RBFOX3: variants seen among roughly 807,000 people sequenced by gnomAD.
RBFOX3 encodes RNA binding fox-1 homolog 3, also known as RNA binding protein fox-1 homolog 3.
Under a neutral mutation model 48.7 loss-of-function variants are expected in RBFOX3, and 17 were observed. That is an observed-to-expected ratio of 0.35 (90% CI 0.24 to 0.52). RBFOX3 has a LOEUF of 0.52. RBFOX3 is among the 20% of genes least tolerant of loss of function. RBFOX3 has a pLI of 0.94. For synonymous variants in RBFOX3, 212 were observed against 209.5 expected (o/e 1.01, Z -0.10); for missense variants, 382 against 497.5 (o/e 0.77, Z 2.21).
At chr17:79,571,829 G>C (rs2092687698) in intron 1 of RBFOX3, among the ~76,000 whole-genome samples, 1 of 152,102 alleles carries the variant, frequency 6.6e-6, no homozygotes, top group Non-Finnish European at 1.5e-5. Context: ...GAGGGAATGA[G>C]GTAGGCAACA....
At chr17:79,298,667 A>G (rs2074798360) in intron 3 of RBFOX3, among the ~76,000 whole-genome samples, 1 of 152,150 alleles carries the variant, frequency 6.6e-6, no homozygotes, top group Admixed American at 6.5e-5. Context: ...GATGTGTCAG[A>G]AGGTGCCCCC....
At chr17:79,649,333 A>G in the RBFOX3 span, among the ~76,000 whole-genome samples, 3 of 152,230 alleles carry the variant, frequency 2.0e-5, no homozygotes, top group East Asian at 5.8e-4. Context: ...CTTGTTTGTT[A>G]GCACAGAAGA....
At chr17:79,507,812 G>A (rs2083394032) in intron 1 of RBFOX3, among the ~76,000 whole-genome samples, 1 of 152,156 alleles carries the variant, frequency 6.6e-6, no homozygotes, top group Admixed American at 6.5e-5. Flanking sequence ...ACCAAGGCAC[G>A]CACCAATGAG....
At chr17:79,344,077 G>A (rs976794194) in intron 2 of RBFOX3, among the ~76,000 whole-genome samples, 1 of 152,118 alleles carries the variant, frequency 6.6e-6, no homozygotes. Flanking sequence ...CTCCAAGAGG[G>A]GTTAGTGTGG....
chr17:79,469,576 G>A (rs2076802541), intron 2 of RBFOX3, among the ~76,000 whole-genome samples: 1 of 152,128 alleles, frequency 6.6e-6, no homozygotes, highest in Non-Finnish European at 1.5e-5. Context: ...TATGGCACAT[G>A]CCCCACCCCA....
At chr17:79,370,319 G>C (rs1417632449) in intron 2 of RBFOX3, among the ~76,000 whole-genome samples, 1 of 152,192 alleles carries the variant, frequency 6.6e-6, no homozygotes, top group Non-Finnish European at 1.5e-5. Flanking sequence ...GCCCCACCCA[G>C]TGCCTGAGCC....
chr17:79,491,981 CAGG>C (rs1324188595), intron 1 of RBFOX3, among the ~76,000 whole-genome samples: 2 of 152,144 alleles, frequency 1.3e-5, no homozygotes, highest in African/African-American at 2.4e-5. Flanking sequence ...ACTCGAGAGG[CAGG>C]AGAATTGCAT....
At chr17:79,410,797 C>T (rs993950928) in intron 2 of RBFOX3, among the ~76,000 whole-genome samples, 3 of 152,194 alleles carry the variant, frequency 2.0e-5, no homozygotes, top group Non-Finnish European at 2.9e-5. Context: ...TCTGCAATCC[C>T]TCCTGCCTCA....
At chr17:79,645,958 C>T in the RBFOX3 span, among the ~76,000 whole-genome samples, 1 of 152,296 alleles carries the variant, frequency 6.6e-6, no homozygotes, top group South Asian at 2.1e-4. Flanking sequence ...CCTGCACCTC[C>T]CGCAAAAACT....
chr17:79,309,029 C>A (rs1294705594), intron 2 of RBFOX3, among the ~76,000 whole-genome samples: 1 of 151,610 alleles, frequency 6.6e-6, no homozygotes, highest in Non-Finnish European at 1.5e-5. Context: ...ATTGCTTGAA[C>A]CTGGGAGGCA....
intron 2 of RBFOX3, among the ~76,000 whole-genome samples, chr17:79,428,997 C>T (rs1184194906): frequency 1.3e-5 from 2 of 152,222 alleles, no homozygotes; most frequent in Non-Finnish European, 2.9e-5. Flanking sequence ...CTCACCGACT[C>T]TTCCCCTGCC....
intron 2 of RBFOX3, among the ~76,000 whole-genome samples, chr17:79,377,909 G>C (rs553544249): frequency 7.9e-4 from 120 of 152,290 alleles, no homozygotes; most frequent in Non-Finnish European, 1.1e-3. Flanking sequence ...GCATATCTCC[G>C]TCAGGCCCAG....
In RBFOX3 at chr17:79,477,283, G is replaced by T. The variant is rs1417124381; in HGVS notation, c.-175+5171C>A. Among the ~76,000 whole-genome samples the T allele has an allele frequency of 6.9e-6, 1 of 144,368 alleles. No homozygotes were observed. The highest frequency in any genetic ancestry group is 6.9e-5 in the Admixed American group (1 of 14,410). The allele number at this position is 144,368 out of a possible 152,430, so 94.7% of individuals were successfully genotyped here. ...AAAAAAAAAAAAAAAAAAAGAGGGC[G>T]CGGTGGCTCACACCTGTAATCCCAG... On this transcript the variant is annotated intron_variant, in intron 2 of 14. Coordinates refer to ENST00000693108, the MANE Select transcript of RBFOX3 (RefSeq NM_001350451.2). This position sits in a 1 kb window ranked among gnomAD's most constrained non-coding sequence, Gnocchi z 4.8.
At chr17:79,386,985 G>A (rs913651167) in intron 2 of RBFOX3, among the ~76,000 whole-genome samples, 2 of 152,216 alleles carry the variant, frequency 1.3e-5, no homozygotes, top group Non-Finnish European at 2.9e-5. Context: ...CAGAAACTCT[G>A]CTCTTGCAGA....
intron 2 of RBFOX3, among the ~76,000 whole-genome samples, chr17:79,343,671 C>T (rs2082435403): frequency 6.6e-6 from 1 of 152,202 alleles, no homozygotes; most frequent in Admixed American, 6.5e-5. Flanking sequence ...GATGGCTGCA[C>T]ACTGACCCCT....
intron 1 of RBFOX3, among the ~76,000 whole-genome samples, chr17:79,518,886 C>G (rs923065449): frequency 6.6e-6 from 1 of 152,222 alleles, no homozygotes; most frequent in African/African-American, 2.4e-5. Context: ...ATTGTTTTCC[C>G]GTCGTAGGGA....
At chr17:79,561,008 A>T (rs1226710044) in intron 1 of RBFOX3, among the ~76,000 whole-genome samples, 1 of 152,178 alleles carries the variant, frequency 6.6e-6, no homozygotes, top group Admixed American at 6.5e-5. Flanking sequence ...CAGGCTCCCC[A>T]CCAGACAGAG....
At chr17:79,147,663 G>A (rs1479704292) in intron 4 of RBFOX3, among the ~76,000 whole-genome samples, 2 of 152,220 alleles carry the variant, frequency 1.3e-5, no homozygotes, top group Non-Finnish European at 2.9e-5. Flanking sequence ...GGCAGAGCAC[G>A]TGGAGCCCAA....
At chr17:79,543,889 G>A (rs2090054920) in intron 1 of RBFOX3, among the ~76,000 whole-genome samples, 1 of 151,960 alleles carries the variant, frequency 6.6e-6, no homozygotes, top group Admixed American at 6.6e-5. Flanking sequence ...TGGGGCAAGG[G>A]TGGGATGCAG....
Sources: allele counts gnomAD v4.1 joint callset (sites outside exome capture counted in the v4.1 genomes callset), GRCh38; gene constraint gnomAD v4.1.1; non-coding constraint Gnocchi (gnomAD v3.1); transcripts MANE v1.5; gene names NCBI Gene and HGNC (gene_info 2026-07-23, HGNC 2026-07-21).